The following ANKRD30B variants were observed in gnomAD, a reference collection of about 807,000 sequenced individuals.
The protein encoded by ANKRD30B is ankyrin repeat domain-containing protein 30B.
In ANKRD30B, 144 loss-of-function variants were observed where a neutral mutation model predicts 202.2. The observed-to-expected ratio is 0.71, with a 90% confidence interval of 0.62 to 0.82. ANKRD30B has a LOEUF of 0.82. Among genes scored for constraint, ANKRD30B ranks in the 40% least tolerant of loss-of-function variants. The pLI is 0.00. For missense variants in ANKRD30B, 1,487 were observed against 1,669.1 expected (o/e 0.89, Z 1.90); for synonymous variants, 508 against 561.3 (o/e 0.91, Z 1.34).
chr18:14,799,363 T>C (rs1438115570), intron 22 of ANKRD30B, 68 bp downstream of exon 22: 11 of 1,328,682 alleles, frequency 8.3e-6, no homozygotes, highest in African/African-American at 3.0e-5. Flanking sequence ...GCTGAGCACC[T>C]TTTTATTCCC....
chr18:14,763,631 C>T lies in ANKRD30B; in HGVS notation c.821-55C>T, dbSNP rs1158981238. ...TAAGTAGAAGTTTGCCAGGTGAAGT[C>T]AGGAGGATGATATTTAAGCAGAAAG... On this transcript the variant is annotated intron_variant, in intron 6 of 43. Coordinates refer to ENST00000690538, the MANE Select transcript of ANKRD30B (RefSeq NM_001367607.2). 3.8e-6 allele frequency: 6 copies of T among 1,588,060 alleles called. No individual in the cohort carries two copies. The African/African-American group carries it at 5.4e-5, about 14-fold the overall frequency.
the ANKRD30B span, among the ~76,000 whole-genome samples, chr18:14,902,811 T>G: frequency 6.6e-6 from 1 of 152,116 alleles, no homozygotes; most frequent in South Asian, 2.1e-4. Context: ...TACAGCATAT[T>G]TTTCTCCTAT....
the ANKRD30B span, among the ~76,000 whole-genome samples, chr18:14,940,687 G>T: frequency 6.6e-6 from 1 of 152,216 alleles, no homozygotes; most frequent in Non-Finnish European, 1.5e-5. Flanking sequence ...AAACTCTCCT[G>T]ACGGCATCAG....
At chr18:14,835,386 CTT>C (rs1971128193) in intron 34 of ANKRD30B, among the ~76,000 whole-genome samples, 5 of 151,422 alleles carry the variant, frequency 3.3e-5, no homozygotes, top group Admixed American at 6.6e-5. Flanking sequence ...AGTAAACAAA[CTT>C]ATCATTGGAA....
At chr18:14,891,263 G>T in the ANKRD30B span, among the ~76,000 whole-genome samples, 1 of 150,478 alleles carries the variant, frequency 6.6e-6, no homozygotes, top group Non-Finnish European at 1.5e-5. Flanking sequence ...TTATTTTTTT[G>T]ACTTCATTTT....
the ANKRD30B span, among the ~76,000 whole-genome samples, chr18:14,876,164 G>GAAA: frequency 3.4e-5 from 5 of 147,346 alleles, no homozygotes; most frequent in Non-Finnish European, 7.5e-5. Flanking sequence ...CATAGATCTG[G>GAAA]AAAAAAAAAA....
At position 14,797,788 on chromosome 18, in the gene ANKRD30B, T is replaced by C. The variant is rs767700930; in HGVS notation, c.1963T>C (p.Cys655Arg). ...PDKDGLLKPT[C>R]GRKVSLPNKA... is the part of the protein sequence containing the mutation. ...TGTTTCCGAACCCATTTAGCCTACC[T>C]GTGGAAGGAAAGTTTCTCTTCCAAA... is the stretch of plus-strand genomic sequence containing the variant. The change falls in exon 20 of 44, where the codon TGT (cysteine) becomes CGT (arginine). Residue 655 changes from cysteine to arginine, a missense_variant. Cys to Arg is a radical substitution (Grantham distance 180, BLOSUM62 -3). Coordinates refer to ENST00000690538, the MANE Select transcript of ANKRD30B (RefSeq NM_001367607.2). 15 of 1,561,714 alleles carry C rather than the reference T, an allele frequency of 9.6e-6. No homozygotes were observed. The highest frequency in any genetic ancestry group is 3.8e-5 in the Admixed American group (2 of 52,072).
intron 37 of ANKRD30B, among the ~76,000 whole-genome samples, chr18:14,841,845 T>C (rs1385983448): frequency 6.6e-6 from 1 of 152,200 alleles, no homozygotes; most frequent in Non-Finnish European, 1.5e-5. Context: ...ATTACTAGAA[T>C]TGGAGTAAAC....
rs576469206 is a variant in ANKRD30B at position 14,761,971 on chromosome 18, T to C, written c.820+1353T>C. On this transcript the variant is annotated intron_variant, in intron 6 of 43. Coordinates refer to ENST00000690538, the MANE Select transcript of ANKRD30B (RefSeq NM_001367607.2). Reference sequence around the variant, plus strand: ...ATTCCACTGTTGACCTGGAGCCTTATTGAAAGCATAAACAGTCAATTAAAC... The same window carrying C: ...ATTCCACTGTTGACCTGGAGCCTTACTGAAAGCATAAACAGTCAATTAAAC... 9.5e-4 allele frequency among the ~76,000 whole-genome samples: 144 copies of C among 152,332 alleles called. 5 individuals are homozygous for C. The South Asian group carries it at 0.029, about 31-fold the overall frequency.
the ANKRD30B span, among the ~76,000 whole-genome samples, chr18:14,879,150 G>T: frequency 1.2e-4 from 18 of 152,286 alleles, no homozygotes; most frequent in Non-Finnish European, 7.3e-5. Flanking sequence ...GGACAACTCG[G>T]GGCCACATCG....
Position 14,752,882 on chromosome 18 carries a change from A to T in ANKRD30B, c.380A>T (p.Asp127Val), listed in dbSNP as rs1444060534. The T allele has an allele frequency of 3.1e-6, 5 of 1,609,488 alleles. No homozygotes were observed. Among genetic ancestry groups the T allele is most frequent in the Non-Finnish European group, 4.2e-6 (5 of 1,177,520 alleles). Reference protein sequence around the residue: ...EREACANILIDAGADLNYVDV... With the variant: ...EREACANILIVAGADLNYVDV... The stretch of plus-strand genomic sequence containing the variant: ...GAGGCTTGTGCAAATATTCTCATAG[A>T]TGCTGGTGCTGATCTAAATTATGTA... Residue 127 changes from aspartate (D) to valine (V), a missense_variant, in exon 3 of 44, where the codon GAT becomes GTT. Around this residue, in one of 6 missense-constraint regions of ANKRD30B, gnomAD observed 889 missense variants for 841.4 expected, o/e 1.06. Coordinates refer to ENST00000690538, the MANE Select transcript of ANKRD30B (RefSeq NM_001367607.2).
the ANKRD30B span, among the ~76,000 whole-genome samples, chr18:14,867,572 G>A: frequency 6.6e-6 from 1 of 152,204 alleles, no homozygotes; most frequent in Non-Finnish European, 1.5e-5. Flanking sequence ...GCTCTGTGTT[G>A]TGGAGACCAT....
the ANKRD30B span, among the ~76,000 whole-genome samples, chr18:14,909,597 G>A: frequency 1.3e-5 from 2 of 151,994 alleles, no homozygotes; most frequent in Non-Finnish European, 2.9e-5. Flanking sequence ...TAGTACAGAT[G>A]GAGTTTCACC....
chr18:14,787,999 C>A (rs1427856272), intron 15 of ANKRD30B, among the ~76,000 whole-genome samples: 1 of 152,110 alleles, frequency 6.6e-6, no homozygotes, highest in African/African-American at 2.4e-5. Flanking sequence ...TAAATTTTGT[C>A]AAAAACATGT....
chr18:14,788,659 G>T (rs1448865244), intron 15 of ANKRD30B, among the ~76,000 whole-genome samples: 1 of 150,862 alleles, frequency 6.6e-6, no homozygotes, highest in African/African-American at 2.4e-5. Context: ...GTTTTTTGTT[G>T]TTGCAATAGT....
At position 14,748,225 on chromosome 18, in the gene ANKRD30B, A is replaced by G. The variant is rs1912783475; in HGVS notation, c.-195A>G. ...GGCTCTGCTCAGAATTTCTCCCGAC[A>G]GAGGCCGGAGTGTTCAAGAGCTTGG... On this transcript the variant is annotated 5_prime_UTR_variant, in exon 1 of 44. Coordinates refer to ENST00000690538, the MANE Select transcript of ANKRD30B (RefSeq NM_001367607.2). 2.1e-6 allele frequency: 1 copy of G among 477,268 alleles called. No individual in the cohort carries two copies. Among genetic ancestry groups the G allele is most frequent in the Non-Finnish European group, 3.7e-6 (1 of 271,516 alleles). The allele number at this position is 477,268 out of a possible 1,614,324, so 29.6% of individuals were successfully genotyped here. A position where few individuals can be genotyped will look rare whatever the true frequency, so the allele number is the denominator to read the frequency against.
At chr18:14,888,994 T>C in the ANKRD30B span, 1 of 512,500 alleles carries the variant, frequency 2.0e-6, no homozygotes, top group Non-Finnish European at 3.4e-6. Flanking sequence ...TTGTTAGAAT[T>C]GAAACATACA....
At chr18:14,881,432 A>AC in the ANKRD30B span, among the ~76,000 whole-genome samples, 1 of 152,026 alleles carries the variant, frequency 6.6e-6, no homozygotes, top group Non-Finnish European at 1.5e-5. Context: ...GGTATGAAAC[A>AC]CACTTGATCA....
chr18:14,828,630 G>T (rs1372914447), intron 33 of ANKRD30B, among the ~76,000 whole-genome samples: 3 of 152,180 alleles, frequency 2.0e-5, no homozygotes, highest in Non-Finnish European at 4.4e-5. Flanking sequence ...GATTGATGGA[G>T]ACCTGTGGAT....
Sources: gnomAD v4.1 joint callset for allele counts (sites outside exome capture counted in the v4.1 genomes callset) on GRCh38, gnomAD v4.1.1 for gene constraint, gnomAD v4.1.1 regional missense constraint, MANE v1.5 for transcripts, NCBI Gene and HGNC (gene_info 2026-07-23, HGNC 2026-07-21) for gene names.